FKBP5: variants seen among roughly 807,000 people sequenced by gnomAD.
FKBP5 encodes peptidyl-prolyl cis-trans isomerase FKBP5.
FKBP5 carries 23 observed loss-of-function variants against 50.5 expected under a neutral mutation model. That is an observed-to-expected ratio of 0.46 (90% CI 0.33 to 0.65). The LOEUF is 0.65. Among genes scored for constraint, FKBP5 ranks in the 30% least tolerant of loss-of-function variants. FKBP5 has a pLI of 0.02. For synonymous variants in FKBP5, 176 were observed against 190.6 expected (o/e 0.92, Z 0.63); for missense variants, 411 against 553.1 (o/e 0.74, Z 2.58).
At chr6:35,607,171 C>T (rs1011294908) in intron 5 of FKBP5, among the ~76,000 whole-genome samples, 7 of 152,130 alleles carry the variant, frequency 4.6e-5, no homozygotes, top group African/African-American at 1.4e-4. Flanking sequence ...CTCCTGACCT[C>T]AAATGATCCA....
chr6:35,695,075 A>G (rs1766060724), intron 2 of FKBP5, among the ~76,000 whole-genome samples: 1 of 152,214 alleles, frequency 6.6e-6, no homozygotes, highest in East Asian at 1.9e-4. Flanking sequence ...TACAGCCAAT[A>G]TCATACTTAA....
intron 3 of FKBP5, among the ~76,000 whole-genome samples, chr6:35,629,517 C>T (rs1764092201): frequency 1.3e-5 from 2 of 152,056 alleles, no homozygotes; most frequent in Admixed American, 1.3e-4. Context: ...TTAAAACAAA[C>T]AAACAAACAA....
chr6:35,618,982 C>T, intron 5 of FKBP5, 114 bp downstream of exon 5: 1 of 701,640 alleles, frequency 1.4e-6, no homozygotes, highest in Non-Finnish European at 2.5e-6. Context: ...AGGCGTGAGT[C>T]ACTGCGCACA....
At chr6:35,636,714 T>C (rs1764317591) in intron 3 of FKBP5, among the ~76,000 whole-genome samples, 2 of 152,232 alleles carry the variant, frequency 1.3e-5, no homozygotes, top group Non-Finnish European at 2.9e-5. Flanking sequence ...TGGTTACCAC[T>C]GCCTTGATTT....
At chr6:35,644,413 T>C (rs900890024) in intron 1 of FKBP5, among the ~76,000 whole-genome samples, 2 of 152,234 alleles carry the variant, frequency 1.3e-5, no homozygotes, top group African/African-American at 4.8e-5. Flanking sequence ...TTGATACAAC[T>C]ATAATTAGAC....
chr6:35,589,126 A>T (rs1330917893), intron 7 of FKBP5, among the ~76,000 whole-genome samples: 49 of 125,508 alleles, frequency 3.9e-4, no homozygotes, highest in African/African-American at 1.0e-3. Flanking sequence ...ATATATATAT[A>T]TATTTTTTTT....
At chr6:35,633,979 T>C (rs2150985128) in intron 3 of FKBP5, among the ~76,000 whole-genome samples, 1 of 152,278 alleles carries the variant, frequency 6.6e-6, no homozygotes, top group East Asian at 1.9e-4. Context: ...TTGCCTCTTT[T>C]TTTCTCCCAA....
intron 8 of FKBP5, chr6:35,581,624 C>T: frequency 1.0e-6 from 1 of 980,540 alleles, no homozygotes; most frequent in Non-Finnish European, 1.2e-6. Context: ...AAACAAAACC[C>T]CTCCAGGGCT....
At chr6:35,686,394 T>C (rs1765827968) in intron 1 of FKBP5, among the ~76,000 whole-genome samples, 1 of 152,152 alleles carries the variant, frequency 6.6e-6, no homozygotes, top group Admixed American at 6.5e-5. Flanking sequence ...GTAAATAAAT[T>C]TATGAAATGC....
At chr6:35,594,635 T>C (rs182696037) in intron 6 of FKBP5, among the ~76,000 whole-genome samples, 2 of 151,944 alleles carry the variant, frequency 1.3e-5, no homozygotes, top group African/African-American at 4.8e-5. Flanking sequence ...CACACACATA[T>C]ATAGCATGTA....
chr6:35,599,085 T>G (rs547015115), intron 5 of FKBP5, among the ~76,000 whole-genome samples: 11 of 125,096 alleles, frequency 8.8e-5, no homozygotes, highest in Non-Finnish European at 1.8e-4. Context: ...CTAAAATGCT[T>G]CTTTTCTAAC....
chr6:35,585,163 T>TAATA, intron 8 of FKBP5: 2 of 979,806 alleles, frequency 2.0e-6, no homozygotes, highest in South Asian at 9.4e-5. Flanking sequence ...CCCAAACTGT[T>TAATA]AATATTCTAT....
chr6:35,682,670 T>TCTTC (rs1158934928), intron 1 of FKBP5, among the ~76,000 whole-genome samples: 1 of 152,156 alleles, frequency 6.6e-6, no homozygotes, highest in Non-Finnish European at 1.5e-5. Flanking sequence ...AAAACAACCC[T>TCTTC]CTTCCAGTCT....
intron 3 of FKBP5, among the ~76,000 whole-genome samples, chr6:35,622,883 T>A (rs775269761): frequency 6.6e-6 from 1 of 152,222 alleles, no homozygotes; most frequent in Non-Finnish European, 1.5e-5. Context: ...TCTCTGTGCT[T>A]AGTCTCCTCA....
chr6:35,721,448 A>C (rs1766609163), intron 1 of FKBP5, among the ~76,000 whole-genome samples: 1 of 150,516 alleles, frequency 6.6e-6, no homozygotes, highest in African/African-American at 2.4e-5. Context: ...ATATACACAC[A>C]CCCCAAAATA....
intron 8 of FKBP5, chr6:35,583,521 T>C: frequency 1.0e-6 from 1 of 985,432 alleles, no homozygotes; most frequent in South Asian, 4.7e-5. Flanking sequence ...TAGCGAAAAG[T>C]CTGTCTTGTA....
At chr6:35,701,250 T>G (rs956985488) in intron 2 of FKBP5, among the ~76,000 whole-genome samples, 67 of 148,704 alleles carry the variant, frequency 4.5e-4, no homozygotes, top group Non-Finnish European at 7.6e-4. Context: ...GTTTTTTTGT[T>G]TTTTTTTTTT....
intron 3 of FKBP5, among the ~76,000 whole-genome samples, chr6:35,628,598 T>G (rs1310315409): frequency 6.6e-6 from 1 of 152,224 alleles, no homozygotes; most frequent in Non-Finnish European, 1.5e-5. Context: ...TTCTGCTAAT[T>G]TTTATGTTAA....
intron 10 of FKBP5, among the ~76,000 whole-genome samples, chr6:35,576,551 C>T (rs1002979577): frequency 6.6e-6 from 1 of 151,982 alleles, no homozygotes; most frequent in South Asian, 2.1e-4. Context: ...GTGTGCTTGT[C>T]CTAGCTACTC....
Sources: gnomAD v4.1 joint callset for allele counts (sites outside exome capture counted in the v4.1 genomes callset) on GRCh38, gnomAD v4.1.1 for gene constraint, MANE v1.5 for transcripts, NCBI Gene and HGNC (gene_info 2026-07-23, HGNC 2026-07-21) for gene names.